The following DMD variants were observed in gnomAD, a reference collection of about 807,000 sequenced individuals.
The protein encoded by DMD is dystrophin.
DMD carries 63 observed loss-of-function variants against 330.1 expected under a neutral mutation model. The observed-to-expected ratio is 0.19, with a 90% CI of 0.16 to 0.24. The LOEUF (loss-of-function observed/expected upper bound fraction) is 0.24. Ranked by LOEUF, DMD falls within the 10% of genes least tolerant of loss-of-function variation. DMD has a pLI of 1.00. For synonymous variants in DMD, 1,223 were observed against 959.8 expected (o/e 1.27, Z -5.07); for missense variants, 3,344 against 2,684.1 (o/e 1.25, Z -5.43).
intron 7 of DMD, among the ~76,000 whole-genome samples, chrX:32,769,941 CAT>C (rs1412813609): frequency 1.8e-5 from 2 of 111,595 alleles, no homozygotes; most frequent in African/African-American, 6.5e-5. Context: ...AGATTGAACA[CAT>C]AGTCATCACC....
chrX:31,430,947 C>T (rs1410055846), intron 60 of DMD, among the ~76,000 whole-genome samples: 5 of 107,869 alleles, frequency 4.6e-5, no homozygotes, highest in South Asian at 4.2e-4. Context: ...GGACTACAGG[C>T]GCCTGCCACC....
intron 11 of DMD, among the ~76,000 whole-genome samples, chrX:32,621,958 C>G (rs1244908611): frequency 9.0e-6 from 1 of 111,341 alleles, no homozygotes; most frequent in African/African-American, 3.3e-5. Flanking sequence ...TGTATTTTAA[C>G]AGGACTTCCA....
intron 22 of DMD, among the ~76,000 whole-genome samples, chrX:32,470,060 C>A (rs1484828247): frequency 3.6e-5 from 4 of 111,487 alleles, no homozygotes; most frequent in African/African-American, 6.5e-5. Context: ...TCACCACTTG[C>A]AAATTGGTAC....
intron 1 of DMD, among the ~76,000 whole-genome samples, chrX:33,020,783 T>C (rs906768919): frequency 8.9e-6 from 1 of 111,878 alleles, no homozygotes; most frequent in Non-Finnish European, 1.9e-5. Context: ...TATTCGCCAG[T>C]TATGAATAGA....
In DMD at chrX:31,121,903, A is replaced by C. The variant is rs1017766859; in HGVS notation, c.*16T>G. 8.3e-7 allele frequency: 1 copy of C among 1,206,480 alleles called. No individual in the cohort carries two copies. Among genetic ancestry groups the C allele is most frequent in the African/African-American group, 1.7e-5 (1 of 57,290 alleles). On this transcript the variant is annotated 3_prime_UTR_variant, in exon 79 of 79. Coordinates refer to ENST00000357033, the MANE Select transcript of DMD (RefSeq NM_004006.3). ...CATCGCTCTGCCCAAATCATCTGCC[A>C]TGTGGAAAAGACTTCCTACATTGTG...
intron 45 of DMD, among the ~76,000 whole-genome samples, chrX:31,954,430 C>G (rs1254906922): frequency 9.0e-6 from 1 of 111,437 alleles, no homozygotes; most frequent in Non-Finnish European, 1.9e-5. Context: ...TTTGTAGATA[C>G]TTTCCTTTTA....
At chrX:31,616,938 A>C (rs16989732) in intron 55 of DMD, among the ~76,000 whole-genome samples, 8,723 of 111,208 alleles carry the variant, frequency 0.078, 421 homozygotes, top group Admixed American at 0.18. Context: ...GAACTCTCTG[A>C]CTGAAAAGAT....
chrX:32,842,038 G>C lies in DMD; in HGVS notation c.264+2745C>G, dbSNP rs1248197344. Among the ~76,000 whole-genome samples the C allele has an allele frequency of 4.5e-5, 5 of 112,014 alleles. No homozygotes were observed. In the Admixed American group the frequency reaches 4.7e-4, roughly 11 times the overall value. On this transcript the variant is annotated intron_variant, in intron 4 of 78. Coordinates refer to ENST00000357033, the MANE Select transcript of DMD (RefSeq NM_004006.3). ...TTGGATTCAGGTATCATAAATACTT[G>C]CCTATCCCAAAGTCATATAAATTTC...
rs141210203 is a variant in DMD at position 31,792,747 on chromosome X, G to A, written c.7310-18555C>T. 3.5e-3 allele frequency among the ~76,000 whole-genome samples: 394 copies of A among 111,694 alleles called. 3 individuals are homozygous for A. Among genetic ancestry groups the A allele is most frequent in the African/African-American group, 0.012 (361 of 30,782 alleles). The stretch of plus-strand genomic sequence containing the variant: ...GCATGAGCACTGGAGCAGCATCTAG[G>A]TGGAGGCGTCTGCGACCCCTGAAGC... On this transcript the variant is annotated intron_variant, in intron 50 of 78. Transcript: ENST00000357033.
intron 43 of DMD, among the ~76,000 whole-genome samples, chrX:32,258,079 G>A (rs1451689541): frequency 1.8e-5 from 2 of 111,511 alleles, no homozygotes; most frequent in Admixed American, 9.5e-5. Context: ...ATTATCACTG[G>A]TCATTAGAGG....
chrX:31,167,506 T>C lies in DMD; in HGVS notation c.10553+1937A>G, dbSNP rs6653850. ...AAAGATATATTACACGATCATATACTTCAAAAATATATTTACTCCTTGGTA... is the reference window on the plus strand; with the variant it reads ...AAAGATATATTACACGATCATATACCTCAAAAATATATTTACTCCTTGGTA... On this transcript the variant is annotated intron_variant, in intron 74 of 78. Coordinates refer to ENST00000357033, the MANE Select transcript of DMD (RefSeq NM_004006.3). Among the ~76,000 whole-genome samples the C allele has an allele frequency of 5.2e-3, 582 of 111,857 alleles. 3 individuals are homozygous for C. Among genetic ancestry groups the C allele is most frequent in the African/African-American group, 0.017 (536 of 30,850 alleles).
intron 1 of DMD, among the ~76,000 whole-genome samples, chrX:33,245,931 T>C (rs1156564187): frequency 8.9e-6 from 1 of 111,904 alleles, no homozygotes; most frequent in African/African-American, 3.2e-5. Flanking sequence ...ACTACAAAAC[T>C]GAAACTGTAG....
In DMD at chrX:31,192,956, G is replaced by A. The variant is rs150680404; in HGVS notation, c.9808-10052C>T. 4.9e-3 allele frequency among the ~76,000 whole-genome samples: 545 copies of A among 111,519 alleles called. 2 individuals are homozygous for A. The highest frequency in any genetic ancestry group is 0.017 in the African/African-American group (523 of 30,673). On this transcript the variant is annotated intron_variant, in intron 67 of 78. Coordinates refer to ENST00000357033, the MANE Select transcript of DMD (RefSeq NM_004006.3). ...AATTATATGCCGATAACATGGCTGC[G>A]AGAGCCAATGGAAGGTGCAAGTGAA...
At chrX:32,768,612 G>T (rs1238707585) in intron 7 of DMD, among the ~76,000 whole-genome samples, 1 of 111,635 alleles carries the variant, frequency 9.0e-6, no homozygotes, top group Non-Finnish European at 1.9e-5. Flanking sequence ...TATACTTAAG[G>T]TTCCATTAAA....
chrX:32,497,368 A>G (rs2043602660), intron 19 of DMD, among the ~76,000 whole-genome samples: 1 of 111,928 alleles, frequency 8.9e-6, no homozygotes, highest in African/African-American at 3.2e-5. Context: ...TATACTAATA[A>G]TTACTACTTT....
intron 55 of DMD, among the ~76,000 whole-genome samples, chrX:31,564,319 T>C (rs964199949): frequency 1.2e-4 from 13 of 111,970 alleles, no homozygotes; most frequent in Non-Finnish European, 2.1e-4. Context: ...CCAAGAAACA[T>C]TGTTGAGAGA....
chrX:33,030,450 A>G (rs1260478634), intron 1 of DMD, among the ~76,000 whole-genome samples: 1 of 112,235 alleles, frequency 8.9e-6, no homozygotes, highest in African/African-American at 3.2e-5. Flanking sequence ...GGTGCATTAT[A>G]ATTTATAAAG....
At chrX:32,389,939 G>A in intron 31 of DMD, 132 bp downstream of exon 31, 2 of 571,733 alleles carry the variant, frequency 3.5e-6, no homozygotes, top group Non-Finnish European at 5.8e-6. Flanking sequence ...AACACTCATT[G>A]TTTAGACATC....
rs376014383 is a variant in DMD, at chrX:32,097,173, G to A, written c.6438+119743C>T. Among the ~76,000 whole-genome samples the A allele has an allele frequency of 7.2e-5, 8 of 110,869 alleles. No individual in the cohort carries two copies. In the East Asian group the frequency reaches 1.4e-3, roughly 20 times the overall value. On this transcript the variant is annotated intron_variant, in intron 44 of 78. Coordinates refer to ENST00000357033, the MANE Select transcript of DMD (RefSeq NM_004006.3). ...AGGTACACATGTGCCATAGTGGTTT[G>A]CTGCACCTATGAACCCGTCATTTAG...
Sources: allele counts gnomAD v4.1 joint callset (sites outside exome capture counted in the v4.1 genomes callset), GRCh38; gene constraint gnomAD v4.1.1; transcripts MANE v1.5; gene names NCBI Gene and HGNC (gene_info 2026-07-23, HGNC 2026-07-21).